ANKRD45: variants seen among roughly 807,000 people sequenced by gnomAD.
ANKRD45 encodes the protein ankyrin repeat domain-containing protein 45.
Under a neutral mutation model 28.1 loss-of-function variants are expected in ANKRD45, and 21 were observed. The observed-to-expected ratio is 0.75, with a 90% CI of 0.53 to 1.08. The LOEUF (loss-of-function observed/expected upper bound fraction) is 1.08. Ranked by LOEUF, ANKRD45 falls within the 50% of genes least tolerant of loss-of-function variation. The probability of loss-of-function intolerance (pLI) is 0.00; values close to 1 mark genes in which losing one functional copy is unlikely to be tolerated. For synonymous variants in ANKRD45, 86 were observed against 103.9 expected, an observed-to-expected ratio of 0.83 and a Z score of 1.05; for missense variants, 261 against 308.7, an observed-to-expected ratio of 0.85 and a Z score of 1.16.
chr1:173,689,090 A>AC, the ANKRD45 span, among the ~76,000 whole-genome samples: 2 of 151,566 alleles, frequency 1.3e-5, no homozygotes, highest in South Asian at 2.1e-4. Context: ...AGAGCCCCTG[A>AC]CCCCCCTACT....
In ANKRD45 at chr1:173,610,106, G is replaced by A; in HGVS notation, c.*39C>T. 6.3e-7 allele frequency: 1 copy of A among 1,587,882 alleles called. No homozygotes were observed. The highest frequency in any genetic ancestry group is 8.6e-7 in the Non-Finnish European group (1 of 1,159,678). On this transcript the variant is annotated 3_prime_UTR_variant, in exon 6 of 6. Coordinates refer to ENST00000333279, the MANE Select transcript of ANKRD45 (RefSeq NM_198493.3). ...ATGGCATGAATAGGTTTGCCTTTCAGATACTAAAAGAAAATGTGGCCTTTT... is the reference window on the plus strand; with the variant it reads ...ATGGCATGAATAGGTTTGCCTTTCAAATACTAAAAGAAAATGTGGCCTTTT...
chr1:173,621,053 A>G (rs1667681087), intron 5 of ANKRD45, among the ~76,000 whole-genome samples: 1 of 152,204 alleles, frequency 6.6e-6, no homozygotes, highest in South Asian at 2.1e-4. Flanking sequence ...TAGAAAAGCT[A>G]GAAGAAATGA....
At chr1:173,685,700 G>A in the ANKRD45 span, among the ~76,000 whole-genome samples, 1 of 152,086 alleles carries the variant, frequency 6.6e-6, no homozygotes, top group Non-Finnish European at 1.5e-5. Flanking sequence ...GAGAGGTTTT[G>A]GAAGAAGGCT....
the ANKRD45 span, chr1:173,675,290 C>G: frequency 3.5e-6 from 1 of 288,608 alleles, no homozygotes; most frequent in South Asian, 2.7e-5. Context: ...AAATTGAAAA[C>G]ATTATTTTGC....
At chr1:173,685,448 T>C in the ANKRD45 span, among the ~76,000 whole-genome samples, 1 of 152,214 alleles carries the variant, frequency 6.6e-6, no homozygotes, top group Admixed American at 6.5e-5. Flanking sequence ...ATAAAGCCCA[T>C]GCCTGGTCAA....
At chr1:173,662,286 A>G (rs1669811701) in intron 1 of ANKRD45, among the ~76,000 whole-genome samples, 1 of 152,232 alleles carries the variant, frequency 6.6e-6, no homozygotes, top group South Asian at 2.1e-4. Flanking sequence ...ATGGTGAAGT[A>G]AAGAAAATAA....
At chr1:173,641,487 C>A (rs1668697099) in intron 3 of ANKRD45, among the ~76,000 whole-genome samples, 1 of 152,178 alleles carries the variant, frequency 6.6e-6, no homozygotes, top group Non-Finnish European at 1.5e-5. Context: ...CCTCTCATGG[C>A]AAGGGGAGAA....
chr1:173,650,259 C>T (rs1669121492), intron 2 of ANKRD45, among the ~76,000 whole-genome samples: 1 of 152,136 alleles, frequency 6.6e-6, no homozygotes, highest in South Asian at 2.1e-4. Context: ...TCCACCAACC[C>T]CCTGCCCTAT....
the ANKRD45 span, among the ~76,000 whole-genome samples, chr1:173,694,539 T>TATTATC: frequency 1.7e-5 from 1 of 59,090 alleles, no homozygotes; most frequent in Admixed American, 1.4e-4. Context: ...AGAAGTTTAT[T>TATTATC]ATTATTATTA....
intron 3 of ANKRD45, among the ~76,000 whole-genome samples, chr1:173,644,148 A>G (rs1490689003): frequency 6.6e-6 from 1 of 152,204 alleles, no homozygotes; most frequent in African/African-American, 2.4e-5. Flanking sequence ...AATGCAGAAG[A>G]CTATTTGGGG....
the ANKRD45 span, among the ~76,000 whole-genome samples, chr1:173,714,779 T>C: frequency 9.2e-5 from 14 of 152,210 alleles, no homozygotes; most frequent in South Asian, 2.1e-4. Flanking sequence ...TGGTTACTCT[T>C]GGGATACAAG....
At chr1:173,709,582 C>T in the ANKRD45 span, among the ~76,000 whole-genome samples, 1 of 152,042 alleles carries the variant, frequency 6.6e-6, no homozygotes, top group Non-Finnish European at 1.5e-5. Context: ...GGCTGCACAC[C>T]ACACTTTCTG....
At chr1:173,703,955 C>T in the ANKRD45 span, among the ~76,000 whole-genome samples, 1 of 152,272 alleles carries the variant, frequency 6.6e-6, no homozygotes, top group Admixed American at 6.5e-5. Context: ...CCACTTAGCA[C>T]AGCTGCCCTA....
At chr1:173,628,006 T>C (rs908544992) in intron 3 of ANKRD45, among the ~76,000 whole-genome samples, 2 of 151,028 alleles carry the variant, frequency 1.3e-5, no homozygotes, top group Non-Finnish European at 2.9e-5. Flanking sequence ...CAAAGTGGTA[T>C]TTCTAGACAC....
the ANKRD45 span, among the ~76,000 whole-genome samples, chr1:173,690,705 TC>T: frequency 6.6e-6 from 1 of 152,208 alleles, no homozygotes; most frequent in East Asian, 1.9e-4. Flanking sequence ...TCATTATCTT[TC>T]CAGTGTTTTC....
At chr1:173,654,104 T>G (rs1669379644) in intron 2 of ANKRD45, among the ~76,000 whole-genome samples, 1 of 152,018 alleles carries the variant, frequency 6.6e-6, no homozygotes. Context: ...ACATTTATGG[T>G]TAATATTGTT....
chr1:173,674,645 G>A (rs1310144693), upstream of ANKRD45, among the ~76,000 whole-genome samples: 1 of 152,064 alleles, frequency 6.6e-6, no homozygotes, highest in African/African-American at 2.4e-5. Flanking sequence ...GAAGTAGGGG[G>A]TGCTTCCAGG....
intron 1 of ANKRD45, chr1:173,667,741 G>A: frequency 4.6e-6 from 2 of 431,674 alleles, no homozygotes; most frequent in Admixed American, 2.7e-5. Context: ...ACTACCACTT[G>A]CAGAGTTTTG....
chr1:173,623,795 C>A (rs1166826517), intron 5 of ANKRD45, among the ~76,000 whole-genome samples: 1 of 152,026 alleles, frequency 6.6e-6, no homozygotes, highest in Admixed American at 6.6e-5. Context: ...AGGAACGAGA[C>A]CATGTCCATT....
Sources: allele counts gnomAD v4.1 joint callset (sites outside exome capture counted in the v4.1 genomes callset), GRCh38; gene constraint gnomAD v4.1.1; transcripts MANE v1.5; gene names NCBI Gene and HGNC (gene_info 2026-07-23, HGNC 2026-07-21).